Variants in RHOQ observed in about 807,000 individuals in gnomAD.
RHOQ encodes rho-related GTP-binding protein RhoQ.
Under a neutral mutation model 25.8 loss-of-function variants are expected in RHOQ, and 7 were observed. That is an observed-to-expected ratio of 0.27 (90% CI 0.15 to 0.51). RHOQ has a LOEUF of 0.51. Among genes scored for constraint, RHOQ ranks in the 20% least tolerant of loss-of-function variants. The pLI is 0.97. For missense variants in RHOQ, 165 were observed against 260.6 expected (o/e 0.63, Z 2.53); for synonymous variants, 97 against 98.6 (o/e 0.98, Z 0.10).
Position 46,566,620 on chromosome 2 carries a change from T to C in RHOQ, c.202-9467T>C, listed in dbSNP as rs1380172929. ...TCGTTTTCAAATTTTGTGACTTTTT[T>C]GCGGGGGTCGGGGGCTCACCTTTTA... is the stretch of plus-strand genomic sequence containing the variant. On this transcript the variant is annotated intron_variant, in intron 2 of 4. Transcript: ENST00000238738. The surrounding 1 kb of genome is among the most constrained non-coding windows in gnomAD (Gnocchi z 4.2). Among the ~76,000 whole-genome samples, 1 of 152,120 alleles carries C rather than the reference T, an allele frequency of 6.6e-6. No homozygotes were observed. Among genetic ancestry groups the C allele is most frequent in the Non-Finnish European group, 1.5e-5 (1 of 68,018 alleles).
Position 46,566,247 on chromosome 2 carries a change from G to C in RHOQ, c.202-9840G>C, listed in dbSNP as rs1458208509. Among the ~76,000 whole-genome samples, 1 of 152,090 alleles carries C rather than the reference G, an allele frequency of 6.6e-6. No homozygotes were observed. Among genetic ancestry groups the C allele is most frequent in the African/African-American group, 2.4e-5 (1 of 41,402 alleles). On this transcript the variant is annotated intron_variant, in intron 2 of 4. Coordinates refer to ENST00000238738, the MANE Select transcript of RHOQ (RefSeq NM_012249.4). The surrounding 1 kb of genome is among the most constrained non-coding windows in gnomAD (Gnocchi z 4.2). ...GAAATGTTGAATTTGAGATGCTTCTGGTTCAGCTAAAAGGAGGTACATAGT... is the reference window on the plus strand; with the variant it reads ...GAAATGTTGAATTTGAGATGCTTCTCGTTCAGCTAAAAGGAGGTACATAGT...
intron 2 of RHOQ, among the ~76,000 whole-genome samples, chr2:46,570,928 T>G (rs533681318): frequency 2.0e-5 from 3 of 152,370 alleles, no homozygotes; most frequent in South Asian, 4.1e-4. Flanking sequence ...TACATCAAAG[T>G]ACTATCCTGC....
At chr2:46,572,445 G>A (rs1406747891) in intron 2 of RHOQ, among the ~76,000 whole-genome samples, 1 of 151,964 alleles carries the variant, frequency 6.6e-6, no homozygotes, top group African/African-American at 2.4e-5. Context: ...ATCACATATC[G>A]AGGACTCTTC....
At chr2:46,547,297 C>T (rs997182664) in intron 2 of RHOQ, among the ~76,000 whole-genome samples, 4 of 152,296 alleles carry the variant, frequency 2.6e-5, no homozygotes, top group Non-Finnish European at 4.4e-5. Flanking sequence ...CTGCCTTAAC[C>T]CCAGTCAAGT....
At position 46,576,325 on chromosome 2, in the gene RHOQ, A is replaced by C; in HGVS notation, c.366+74A>C. On this transcript the variant is annotated intron_variant, in intron 3 of 4. Transcript: ENST00000238738. This position sits in a 1 kb window ranked among gnomAD's most constrained non-coding sequence, Gnocchi z 5.1. ...TCGTAGAGGCTGCTCTCAGACAAAC[A>C]GTCCCAAAGCTGAGCAAATGATGTA... The C allele has an allele frequency of 7.8e-7, 1 of 1,287,102 alleles. No homozygotes were observed. Among genetic ancestry groups the C allele is most frequent in the Middle Eastern group, 1.9e-4 (1 of 5,176 alleles). The allele number at this position is 1,287,102 out of a possible 1,614,324, so 79.7% of individuals were successfully genotyped here.
intron 2 of RHOQ, among the ~76,000 whole-genome samples, chr2:46,565,283 G>T (rs965304773): frequency 1.3e-5 from 2 of 152,218 alleles, no homozygotes; most frequent in Non-Finnish European, 2.9e-5. Context: ...GTGTCTGAGT[G>T]TAGAAGGGGT....
At chr2:46,563,085 G>A (rs769916327) in intron 2 of RHOQ, among the ~76,000 whole-genome samples, 109 of 152,202 alleles carry the variant, frequency 7.2e-4, no homozygotes, top group Non-Finnish European at 1.3e-3. Flanking sequence ...AACAGAAAAG[G>A]TAAGTAACTT....
chr2:46,578,636 G>T (rs942277349), intron 4 of RHOQ, among the ~76,000 whole-genome samples: 1 of 135,996 alleles, frequency 7.4e-6, no homozygotes, highest in African/African-American at 2.7e-5. Flanking sequence ...CATACCTGTA[G>T]TCCCAGCTAC....
rs1378661098 is a variant in RHOQ, at chr2:46,569,395, AGTTTGAGT to A, written c.202-6687_202-6680del. 6.6e-6 allele frequency: 1 copy of A among 152,210 alleles called. No homozygotes were observed. The highest frequency in any genetic ancestry group is 1.9e-4 in the East Asian group (1 of 5,202). The allele number at this position is 152,210 out of a possible 1,614,324, so 9.4% of individuals were successfully genotyped here. On this transcript the variant is annotated intron_variant, in intron 2 of 4. Coordinates refer to ENST00000238738, the MANE Select transcript of RHOQ (RefSeq NM_012249.4). This position sits in a 1 kb window ranked among gnomAD's most constrained non-coding sequence, Gnocchi z 4.1. ...GCTGCTCACAAGGGTAAGAAGTGTT[AGTTTGAGT>A]GTTTTTCATCATGTGACGTGGCGGT...
At chr2:46,558,497 G>A (rs1222277306) in intron 2 of RHOQ, among the ~76,000 whole-genome samples, 1 of 152,114 alleles carries the variant, frequency 6.6e-6, no homozygotes, top group African/African-American at 2.4e-5. Flanking sequence ...TTCTATTTAA[G>A]TTGTTTAGAA....
In RHOQ at chr2:46,555,160, A is replaced by G. The variant is rs1041691300; in HGVS notation, c.201+11348A>G. ...GGGTATTCATCCACTGCAGAAAGTG[A>G]GAAGTCCAACTGAGGCTGAGGCACC... On this transcript the variant is annotated intron_variant, in intron 2 of 4. Coordinates refer to ENST00000238738, the MANE Select transcript of RHOQ (RefSeq NM_012249.4). The surrounding 1 kb of genome is among the most constrained non-coding windows in gnomAD (Gnocchi z 4.3). 2.6e-5 allele frequency among the ~76,000 whole-genome samples: 4 copies of G among 152,240 alleles called. No individual in the cohort carries two copies. Among genetic ancestry groups the G allele is most frequent in the African/African-American group, 7.2e-5 (3 of 41,476 alleles).
At chr2:46,546,492 A>ATATATATATG (rs1668064607) in intron 2 of RHOQ, among the ~76,000 whole-genome samples, 2 of 20,098 alleles carry the variant, frequency 1.0e-4, no homozygotes, top group Non-Finnish European at 1.7e-4. Flanking sequence ...ATATATATAT[A>ATATATATATG]TATATATATA....
At chr2:46,563,776 C>T (rs1572746355) in intron 2 of RHOQ, among the ~76,000 whole-genome samples, 1 of 151,944 alleles carries the variant, frequency 6.6e-6, no homozygotes, top group East Asian at 2.0e-4. Flanking sequence ...CAAGATCATA[C>T]CTTTGCACAC....
chr2:46,571,557 G>A (rs188771051), intron 2 of RHOQ, among the ~76,000 whole-genome samples: 129 of 152,252 alleles, frequency 8.5e-4, no homozygotes, highest in African/African-American at 2.8e-3. Context: ...GCACTGTTCT[G>A]GGCACATAGT....
chr2:46,564,744 G>A (rs1278374272), intron 2 of RHOQ, among the ~76,000 whole-genome samples: 1 of 152,216 alleles, frequency 6.6e-6, no homozygotes, highest in Non-Finnish European at 1.5e-5. Context: ...ATGTGTGTAA[G>A]TATGTATGTC....
At chr2:46,547,848 C>T (rs2103982794) in intron 2 of RHOQ, among the ~76,000 whole-genome samples, 1 of 152,328 alleles carries the variant, frequency 6.6e-6, no homozygotes, top group East Asian at 1.9e-4. Flanking sequence ...GTGGAAAGAG[C>T]TCTCCCTCTC....
intron 4 of RHOQ, among the ~76,000 whole-genome samples, chr2:46,577,546 C>T (rs1558693634): frequency 6.7e-6 from 1 of 149,036 alleles, no homozygotes; most frequent in East Asian, 2.0e-4. Context: ...ACTACAGGTG[C>T]CTGCCACCAC....
chr2:46,562,609 T>C (rs985709368), intron 2 of RHOQ, among the ~76,000 whole-genome samples: 69 of 152,254 alleles, frequency 4.5e-4, no homozygotes, highest in African/African-American at 1.5e-3. Flanking sequence ...GTGTGCATTA[T>C]TGTACAGGGA....
rs965136704 is a variant in RHOQ, at chr2:46,556,885, G to T, written c.201+13073G>T. On this transcript the variant is annotated intron_variant, in intron 2 of 4. Transcript: ENST00000238738. This position sits in a 1 kb window ranked among gnomAD's most constrained non-coding sequence, Gnocchi z 4.9. ...AAACAATTTTATTGGGGCTTTCAAG[G>T]ACCATCAGGTACATGGGTCTGATTT... Among the ~76,000 whole-genome samples the T allele has an allele frequency of 2.6e-5, 4 of 152,126 alleles. No individual in the cohort carries two copies. The highest frequency in any genetic ancestry group is 6.5e-5 in the Admixed American group (1 of 15,276).
Sources: allele counts gnomAD v4.1 joint callset (sites outside exome capture counted in the v4.1 genomes callset), GRCh38; gene constraint gnomAD v4.1.1; non-coding constraint Gnocchi (gnomAD v3.1); transcripts MANE v1.5; gene names NCBI Gene and HGNC (gene_info 2026-07-23, HGNC 2026-07-21).